DHX8: variants seen among roughly 807,000 people sequenced by gnomAD.
DHX8 encodes the protein DEAH-box helicase 8, also known as ATP-dependent RNA helicase DHX8.
DHX8 carries 67 observed loss-of-function variants against 140.7 expected under a neutral mutation model. The observed-to-expected ratio is 0.48, with a 90% CI of 0.39 to 0.58. The LOEUF is 0.58. Ranked by LOEUF, DHX8 falls within the 20% of genes least tolerant of loss-of-function variation. The pLI, the probability that DHX8 is intolerant of heterozygous loss-of-function variation, is 0.00. For missense variants in DHX8, 887 were observed against 1,550.7 expected, an observed-to-expected ratio of 0.57 and a Z score of 7.19; for synonymous variants, 533 against 553.2, an observed-to-expected ratio of 0.96 and a Z score of 0.51.
At chr17:43,506,931 A>G (rs935518734) in intron 12 of DHX8, 72 bp from the exon 13 acceptor site, 2 of 1,186,466 alleles carry the variant, frequency 1.7e-6, no homozygotes, top group Non-Finnish European at 2.3e-6. Flanking sequence ...GACCATATTT[A>G]TATTCTGTTT....
At chr17:43,494,227 A>G (rs1968710397) in intron 8 of DHX8, among the ~76,000 whole-genome samples, 1 of 152,202 alleles carries the variant, frequency 6.6e-6, no homozygotes, top group African/African-American at 2.4e-5. Context: ...AGCGTGGGAA[A>G]GAGCTGCCTC....
intron 21 of DHX8, 59 bp from the exon 22 acceptor site, chr17:43,521,988 T>C: frequency 6.4e-7 from 1 of 1,569,044 alleles, no homozygotes; most frequent in Non-Finnish European, 8.7e-7. Context: ...GGCACTGTCA[T>C]TGTGAAAATA....
intron 9 of DHX8, 111 bp downstream of exon 9, chr17:43,496,379 A>C: frequency 6.6e-5 from 45 of 683,142 alleles, no homozygotes; most frequent in Non-Finnish European, 8.6e-5. Flanking sequence ...TTTGGATCTC[A>C]CTACTCATCT....
intron 16 of DHX8, among the ~76,000 whole-genome samples, chr17:43,509,858 G>A (rs1969718472): frequency 6.6e-6 from 1 of 151,856 alleles, no homozygotes; most frequent in African/African-American, 2.4e-5. Context: ...TAGTAGAGAT[G>A]GGGTTTCCCC....
downstream of DHX8, chr17:43,529,894 C>G: frequency 6.2e-7 from 1 of 1,614,162 alleles, no homozygotes; most frequent in Non-Finnish European, 8.5e-7. Flanking sequence ...CTTCAAATTT[C>G]TCAGGGACAA....
At chr17:43,497,428 C>G (rs990202167) in intron 9 of DHX8, among the ~76,000 whole-genome samples, 3 of 152,070 alleles carry the variant, frequency 2.0e-5, no homozygotes, top group African/African-American at 7.2e-5. Flanking sequence ...TGCTTATGTG[C>G]AAAATGTTCT....
intron 3 of DHX8, among the ~76,000 whole-genome samples, chr17:43,543,183 A>G (rs1370333466): frequency 8.0e-6 from 1 of 124,476 alleles, no homozygotes; most frequent in East Asian, 2.4e-4. Flanking sequence ...CCCAGCGCCC[A>G]CCCCCCTCAC....
chr17:43,526,961 G>A (rs1363773986), downstream of DHX8, among the ~76,000 whole-genome samples: 2 of 152,126 alleles, frequency 1.3e-5, no homozygotes, highest in Non-Finnish European at 2.9e-5. Context: ...CATGAACAGA[G>A]TTGGGCTGGC....
At chr17:43,529,050 A>T, downstream of DHX8, 1 of 1,279,864 alleles carries the variant, frequency 7.8e-7, no homozygotes, top group Non-Finnish European at 1.1e-6. Flanking sequence ...AAAGTTGCTG[A>T]GAACTGCCCT....
chr17:43,496,305 A>C (rs574915862), intron 9 of DHX8, 37 bp downstream of exon 9: 12 of 1,493,930 alleles, frequency 8.0e-6, no homozygotes, highest in Admixed American at 5.1e-5. Context: ...GTAATTGGCA[A>C]GTTGAGCCAT....
chr17:43,489,584 T>C, intron 2 of DHX8, 50 bp downstream of exon 2: 4 of 1,321,078 alleles, frequency 3.0e-6, no homozygotes, highest in Non-Finnish European at 3.2e-6. Context: ...TTTTAATTTA[T>C]GTTTGTTTGT....
downstream of DHX8, chr17:43,526,692 T>A: frequency 6.6e-7 from 1 of 1,509,538 alleles, no homozygotes; most frequent in Non-Finnish European, 8.9e-7. Context: ...TCTCTCTTCG[T>A]GTGTGTACTC....
chr17:43,520,898 A>G lies in DHX8; in HGVS notation c.3066+19A>G, dbSNP rs757121678. 1 of 1,589,362 alleles carries G rather than the reference A, an allele frequency of 6.3e-7. No homozygotes were observed. Among genetic ancestry groups the G allele is most frequent in the Non-Finnish European group, 8.6e-7 (1 of 1,168,440 alleles). On this transcript the variant is annotated intron_variant, in intron 20 of 22. Transcript: ENST00000262415. ...GCCCAAGGTAGGAAGTTCAGATCCA[A>G]GTTTAGATGGGGGTGCCATGAAGTT... is the stretch of plus-strand genomic sequence containing the variant.
At position 43,542,595 on chromosome 17, in the gene DHX8, C is replaced by T. The variant is rs1169217080; in HGVS notation, c.*21-1567C>T. On this transcript the variant is annotated intron_variant, in intron 3 of 3. Transcript: ENST00000589898. ...CCCAAATCAGACACGCCCTCCTAGCCTCACATCATTCACCCCTGTGTACAA... is the reference window on the plus strand; with the variant it reads ...CCCAAATCAGACACGCCCTCCTAGCTTCACATCATTCACCCCTGTGTACAA... Among the ~76,000 whole-genome samples, 4 of 152,182 alleles carry T rather than the reference C, an allele frequency of 2.6e-5. No individual in the cohort carries two copies. In the East Asian group the frequency reaches 7.7e-4, roughly 29 times the overall value.
At chr17:43,530,605 C>CGTGT (rs1491056166), downstream of DHX8, among the ~76,000 whole-genome samples, 1 of 45,534 alleles carries the variant, frequency 2.2e-5, no homozygotes, top group Non-Finnish European at 4.9e-5. Context: ...CCTGTGCACG[C>CGTGT]GCGCGTGTGT....
intron 11 of DHX8, among the ~76,000 whole-genome samples, chr17:43,502,556 G>A (rs1418452536): frequency 1.3e-5 from 2 of 152,126 alleles, no homozygotes; most frequent in African/African-American, 2.4e-5. Context: ...TCAAGTAGCT[G>A]GGACTACAGG....
At chr17:43,541,247 A>T (rs887341455) in intron 3 of DHX8, among the ~76,000 whole-genome samples, 1 of 152,220 alleles carries the variant, frequency 6.6e-6, no homozygotes, top group African/African-American at 2.4e-5. Context: ...TCAACAGGAT[A>T]GAAACAGGAA....
At chr17:43,533,073 T>G in intron 2 of DHX8, 2 of 1,501,690 alleles carry the variant, frequency 1.3e-6, no homozygotes, top group Non-Finnish European at 9.0e-7. Context: ...TTTCTCCCTT[T>G]CTATTCCACT....
rs775352773 is a variant in DHX8 at position 43,520,780 on chromosome 17, A to G, written c.2967A>G (p.Leu989=). 13 of 1,613,930 alleles carry G rather than the reference A, an allele frequency of 8.1e-6. No homozygotes were observed. The highest frequency in any genetic ancestry group is 2.7e-5 in the African/African-American group (2 of 74,894). ...CAGAGTTCCCTCTGGAGCCAATGCT[A>G]TGCAAAATGCTCATCATGTCTGTGC... ...RMAEFPLEPM[L]CKMLIMSVHL... is the part of the protein sequence containing the mutation. The change falls in exon 20 of 23, where the codon CTA becomes CTG. Residue 989 remains leucine, a synonymous_variant. Coordinates refer to ENST00000262415, the MANE Select transcript of DHX8 (RefSeq NM_004941.3).
Sources: allele counts gnomAD v4.1 joint callset (sites outside exome capture counted in the v4.1 genomes callset), GRCh38; gene constraint gnomAD v4.1.1; transcripts MANE v1.5; gene names NCBI Gene and HGNC (gene_info 2026-07-23, HGNC 2026-07-21).